IGF2BP3: variants seen among roughly 807,000 people sequenced by gnomAD.
IGF2BP3 encodes the protein insulin-like growth factor 2 mRNA-binding protein 3.
In IGF2BP3, 9 loss-of-function variants were observed where a neutral mutation model predicts 73.8. That is an observed-to-expected ratio of 0.12 (90% CI 0.07 to 0.21). The LOEUF is 0.21. Ranked by LOEUF, IGF2BP3 falls within the 10% of genes least tolerant of loss-of-function variation. IGF2BP3 has a pLI of 1.00. For synonymous variants in IGF2BP3, 258 were observed against 256.7 expected, an observed-to-expected ratio of 1.01 and a Z score of -0.05; for missense variants, 542 against 714.0, an observed-to-expected ratio of 0.76 and a Z score of 2.75.
intron 3 of IGF2BP3, among the ~76,000 whole-genome samples, chr7:23,368,008 CA>C (rs140853211): frequency 0.055 from 8,132 of 148,756 alleles, 722 homozygotes; most frequent in African/African-American, 0.19. Context: ...TATTTAAAAA[CA>C]AAAAAAAACA....
intron 2 of IGF2BP3, chr7:23,467,672 G>T (rs1292978787): frequency 6.6e-6 from 1 of 152,256 alleles, no homozygotes; most frequent in African/African-American, 2.4e-5. Context: ...TGCTCCATAA[G>T]GCTTCATAAG....
chr7:23,312,395 C>T lies in IGF2BP3; in HGVS notation c.1707G>A (p.Leu569=). The T allele has an allele frequency of 1.2e-6, 2 of 1,613,382 alleles. 1 individual carries two copies. Among genetic ancestry groups the T allele is most frequent in the Non-Finnish European group, 1.7e-6 (2 of 1,179,928 alleles). ...QVKQHQQQKA[L]QSGPPQSRRK The stretch of plus-strand genomic sequence containing the variant: ...GTCTTGACTGAGGTGGTCCACTTTG[C>T]AGAGCCTTCTGTTGTTGGTGCTGCT... The change falls in exon 15 of 15, where the codon CTG becomes CTA. Residue 569 remains leucine (L), a synonymous_variant. Coordinates refer to ENST00000258729, the MANE Select transcript of IGF2BP3 (RefSeq NM_006547.3).
chr7:23,324,193 AAGAG>A (rs1421643882), intron 10 of IGF2BP3, among the ~76,000 whole-genome samples: 3 of 151,994 alleles, frequency 2.0e-5, no homozygotes, highest in Admixed American at 6.6e-5. Context: ...TCAAGAAAAA[AAGAG>A]AGAAGAATCA....
intron 10 of IGF2BP3, among the ~76,000 whole-genome samples, 192 bp from the exon 11 acceptor site, chr7:23,319,446 G>A (rs1784077622): frequency 6.6e-6 from 1 of 152,168 alleles, no homozygotes; most frequent in South Asian, 2.1e-4. Context: ...CCTGAAAACA[G>A]TGGTATTTAA....
intron 2 of IGF2BP3, among the ~76,000 whole-genome samples, chr7:23,426,342 GGGGGT>G (rs1467192352): frequency 7.5e-6 from 1 of 133,300 alleles, no homozygotes; most frequent in Non-Finnish European, 1.6e-5. Context: ...AAAAAAAAAG[GGGGGT>G]GGGGCCAAAA....
intron 10 of IGF2BP3, 92 bp from the exon 11 acceptor site, chr7:23,319,346 A>C: frequency 1.3e-6 from 1 of 764,602 alleles, no homozygotes; most frequent in Non-Finnish European, 2.2e-6. Context: ...CTTCTCATGC[A>C]GTAGGAATAC....
At position 23,312,396 on chromosome 7, in the gene IGF2BP3, A is replaced by G. The variant is rs1381575858; in HGVS notation, c.1706T>C (p.Leu569Pro). ...QVKQHQQQKA[L>P]QSGPPQSRRK ...TCTTGACTGAGGTGGTCCACTTTGCAGAGCCTTCTGTTGTTGGTGCTGCTT... is the reference window on the plus strand; with the variant it reads ...TCTTGACTGAGGTGGTCCACTTTGCGGAGCCTTCTGTTGTTGGTGCTGCTT... Residue 569 changes from leucine to proline, a missense_variant, in exon 15 of 15, where the codon CTG becomes CCG. This residue lies in a region of IGF2BP3 where 303 missense variants were observed against 472.1 expected (regional missense o/e 0.64). Transcript: ENST00000258729. 2.5e-6 allele frequency: 4 copies of G among 1,613,350 alleles called. No individual in the cohort carries two copies. The highest frequency in any genetic ancestry group is 3.4e-6 in the Non-Finnish European group (4 of 1,179,964).
intron 2 of IGF2BP3, among the ~76,000 whole-genome samples, chr7:23,467,021 T>A (rs117368227): frequency 6.6e-6 from 1 of 152,238 alleles, no homozygotes; most frequent in Non-Finnish European, 1.5e-5. Flanking sequence ...GCTTTAAGCT[T>A]CTTTTTACGG....
intron 3 of IGF2BP3, among the ~76,000 whole-genome samples, chr7:23,409,464 A>G (rs948911552): frequency 6.6e-6 from 1 of 152,142 alleles, no homozygotes; most frequent in African/African-American, 2.4e-5. Context: ...AAAAACAATA[A>G]AGTTGAAGGA....
At chr7:23,350,758 T>C (rs992806258) in intron 6 of IGF2BP3, among the ~76,000 whole-genome samples, 1 of 152,224 alleles carries the variant, frequency 6.6e-6, no homozygotes, top group African/African-American at 2.4e-5. Context: ...AACATTTGAA[T>C]GGGAATATTC....
At chr7:23,315,184 T>G (rs1319338700) in intron 12 of IGF2BP3, among the ~76,000 whole-genome samples, 1 of 151,990 alleles carries the variant, frequency 6.6e-6, no homozygotes, top group Admixed American at 6.6e-5. Flanking sequence ...CTCAGCACAC[T>G]GCAACCTCTG....
intron 3 of IGF2BP3, among the ~76,000 whole-genome samples, chr7:23,395,905 A>G (rs1374631954): frequency 6.6e-6 from 1 of 152,088 alleles, no homozygotes; most frequent in Non-Finnish European, 1.5e-5. Context: ...CAGCCTGGGC[A>G]ACAGAGCGAG....
At chr7:23,362,364 A>G (rs900460464) in intron 3 of IGF2BP3, among the ~76,000 whole-genome samples, 4 of 152,254 alleles carry the variant, frequency 2.6e-5, no homozygotes, top group African/African-American at 9.6e-5. Context: ...AGATTGCTCA[A>G]GGCAGGCTAG....
intron 2 of IGF2BP3, among the ~76,000 whole-genome samples, chr7:23,453,548 C>A (rs538567249): frequency 2.0e-5 from 3 of 152,136 alleles, no homozygotes; most frequent in Non-Finnish European, 4.4e-5. Context: ...CAATATTGTA[C>A]GATATTGCTG....
intron 2 of IGF2BP3, among the ~76,000 whole-genome samples, chr7:23,447,452 C>T (rs936912508): frequency 5.3e-5 from 8 of 151,704 alleles, no homozygotes; most frequent in African/African-American, 1.9e-4. Flanking sequence ...GGTAAAATCC[C>T]GTCTCTACTA....
At chr7:23,440,299 G>C (rs1337308840) in intron 2 of IGF2BP3, among the ~76,000 whole-genome samples, 1 of 151,488 alleles carries the variant, frequency 6.6e-6, no homozygotes, top group South Asian at 2.1e-4. Flanking sequence ...AGCTGGGCAT[G>C]GTGGCACGTG....
intron 10 of IGF2BP3, among the ~76,000 whole-genome samples, chr7:23,321,181 G>T (rs1478059970): frequency 1.3e-5 from 2 of 152,172 alleles, no homozygotes; most frequent in Non-Finnish European, 2.9e-5. Flanking sequence ...TCACTAGGGA[G>T]TGCCAGACAG....
rs1783846528 is a variant in IGF2BP3 at position 23,312,102 on chromosome 7, C to CT, written c.*259dup. On this transcript the variant is annotated 3_prime_UTR_variant, in exon 15 of 15. Transcript: ENST00000258729. ...CTACAACAAAGGGAAGTGCAGAGCT[C>CT]TTCTCTTTCCCTCCCTCCCCCACCC... The CT allele has an allele frequency of 6.5e-6, 3 of 465,102 alleles. No homozygotes were observed. The South Asian group carries it at 1.1e-4, about 17-fold the overall frequency. The allele number at this position is 465,102 out of a possible 1,614,324, so 28.8% of individuals were successfully genotyped here.
chr7:23,319,364 G>GT, intron 10 of IGF2BP3, 110 bp from the exon 11 acceptor site: 1 of 688,154 alleles, frequency 1.5e-6, no homozygotes, highest in Non-Finnish European at 2.5e-6. Flanking sequence ...TACCAGGAAA[G>GT]TTTAAGGAAA....
Sources: allele counts gnomAD v4.1 joint callset (sites outside exome capture counted in the v4.1 genomes callset), GRCh38; gene constraint gnomAD v4.1.1; regional missense constraint gnomAD v4.1.1; transcripts MANE v1.5; gene names NCBI Gene and HGNC (gene_info 2026-07-23, HGNC 2026-07-21).